SMARCA4: variants seen among roughly 807,000 people sequenced by gnomAD.
SMARCA4 encodes the protein SWI/SNF-related matrix-associated actin-dependent regulator of chromatin subfamily A member 4.
In SMARCA4, 31 loss-of-function variants were observed where a neutral mutation model predicts 193.9. The ratio of observed to expected loss-of-function variants is 0.16; its 90% CI spans 0.12 to 0.22. The LOEUF (loss-of-function observed/expected upper bound fraction) is 0.22, where lower values mean the gene tolerates loss of function less well. Among genes scored for constraint, SMARCA4 ranks in the 10% least tolerant of loss-of-function variants. SMARCA4 has a pLI of 1.00. For synonymous variants in SMARCA4, 942 were observed against 933.1 expected, an observed-to-expected ratio of 1.01 and a Z score of -0.17; for missense variants, 1,148 against 2,296.0, an observed-to-expected ratio of 0.50 and a Z score of 10.22.
intron 7 of SMARCA4, among the ~76,000 whole-genome samples, chr19:10,990,920 G>T (rs1299279793): frequency 6.6e-6 from 1 of 152,226 alleles, no homozygotes; most frequent in East Asian, 1.9e-4. Flanking sequence ...GAGGCAAGCT[G>T]GAGGTCCGAG....
intron 1 of SMARCA4, among the ~76,000 whole-genome samples, chr19:10,965,657 C>T (rs2084155157): frequency 6.6e-6 from 1 of 152,148 alleles, no homozygotes; most frequent in East Asian, 1.9e-4. Context: ...CACATGTAGG[C>T]TCTGTGGTAT....
At chr19:11,050,903 GT>G (rs1443328935) in intron 30 of SMARCA4, among the ~76,000 whole-genome samples, 1 of 152,210 alleles carries the variant, frequency 6.6e-6, no homozygotes, top group Non-Finnish European at 1.5e-5. Flanking sequence ...CAGGTCTATG[GT>G]CTGCTTGGCA....
At chr19:10,978,534 A>G (rs1277552891) in intron 1 of SMARCA4, among the ~76,000 whole-genome samples, 3 of 151,844 alleles carry the variant, frequency 2.0e-5, no homozygotes, top group Non-Finnish European at 4.4e-5. Context: ...GGGTTTTACC[A>G]TTTTGGTCAG....
chr19:11,009,183 A>G (rs1439057491), intron 14 of SMARCA4, among the ~76,000 whole-genome samples: 2 of 151,002 alleles, frequency 1.3e-5, no homozygotes, highest in East Asian at 2.0e-4. Context: ...CACCACGTCC[A>G]GCTAATTTTT....
intron 1 of SMARCA4, among the ~76,000 whole-genome samples, chr19:10,981,893 C>T (rs1250367673): frequency 2.6e-5 from 4 of 152,098 alleles, no homozygotes; most frequent in African/African-American, 9.7e-5. Flanking sequence ...GAGGCTGAGG[C>T]AGGAGGACGG....
Position 10,996,157 on chromosome 19 carries a change from G to A in SMARCA4, c.1594-56G>A, listed in dbSNP as rs2145965961. 3.8e-6 allele frequency: 6 copies of A among 1,586,060 alleles called. No individual in the cohort carries two copies. The South Asian group carries it at 5.5e-5, about 15-fold the overall frequency. ...GCTTCTGGATTGACTGGCCATGGGT[G>A]CTCACAGACATGCACATTGTGCCAC... On this transcript the variant is annotated intron_variant, in intron 9 of 34. Transcript: ENST00000344626.
rs1555755005 is a variant in SMARCA4, at chr19:10,987,761, C to T, written c.955C>T (p.Pro319Ser). ...CCCTTCCCCCGCGCCCCCTGCCGTC[C>T]CACCCGCCGCCTCGCCCGTGATGCC... is the stretch of plus-strand genomic sequence containing the variant. Reference protein sequence around the residue: ...GRPSPAPPAVPPAASPVMPPQ... With the variant: ...GRPSPAPPAVSPAASPVMPPQ... Residue 319 changes from proline to serine, a missense_variant, in exon 6 of 35, where the codon CCA becomes TCA. Pro to Ser is a moderately conservative substitution (Grantham distance 74). Transcript: ENST00000344626. This position sits in a 1 kb window ranked among gnomAD's most constrained non-coding sequence, Gnocchi z 5.3. The T allele has an allele frequency of 1.3e-6, 2 of 1,599,628 alleles. No homozygotes were observed. Among genetic ancestry groups the T allele is most frequent in the Non-Finnish European group, 1.7e-6 (2 of 1,173,600 alleles).
Position 10,986,540 on chromosome 19 carries a change from C to G in SMARCA4, c.707C>G (p.Pro236Arg). The change falls in exon 4 of 35, where the codon CCT becomes CGT. Residue 236 changes from proline (P) to arginine (R), a missense_variant. Pro to Arg is a moderately radical substitution (Grantham distance 103). Around this residue, in one of 17 missense-constraint regions of SMARCA4, gnomAD observed 257 missense variants for 276.5 expected, o/e 0.93. Coordinates refer to ENST00000344626, the MANE Select transcript of SMARCA4 (RefSeq NM_003072.5). This position sits in a 1 kb window ranked among gnomAD's most constrained non-coding sequence, Gnocchi z 6.7. Reference sequence around the variant, plus strand: ...ACAGGACCCGGCCCTGGCCCTGGCCCTGGCCCCGGCCCGGGTCCCGGCCCG... The same window carrying G: ...ACAGGACCCGGCCCTGGCCCTGGCCGTGGCCCCGGCCCGGGTCCCGGCCCG... ...SATGPGPGPG[P>R]GPGPGPGPAP... The G allele has an allele frequency of 1.9e-6, 3 of 1,541,008 alleles. No homozygotes were observed. The highest frequency in any genetic ancestry group is 2.7e-5 in the African/African-American group (2 of 73,154).
At position 11,058,126 on chromosome 19, in the gene SMARCA4, G is replaced by A. The variant is rs2076648834; in HGVS notation, c.4425-129G>A. ...CGTCTCAAAAAAAAAAAAAGCGCAT[G>A]TGCAAGAAATAGCTCCTGAGCTGAG... On this transcript the variant is annotated intron_variant, in intron 30 of 34. Transcript: ENST00000344626. This position sits in a 1 kb window ranked among gnomAD's most constrained non-coding sequence, Gnocchi z 5.8. The A allele has an allele frequency of 1.5e-6, 1 of 657,296 alleles. No homozygotes were observed. The highest frequency in any genetic ancestry group is 2.7e-6 in the Non-Finnish European group (1 of 368,190). 40.7% of individuals were successfully genotyped at this position (657,296 alleles called of 1,614,324 possible).
rs773341135 is a variant in SMARCA4, at chr19:10,994,962, G to A, written c.1554G>A (p.Glu518=). 2.5e-6 allele frequency: 4 copies of A among 1,614,034 alleles called. No individual in the cohort carries two copies. The highest frequency in any genetic ancestry group is 2.5e-6 in the Non-Finnish European group (3 of 1,179,956). Residue 518 remains glutamate (E), a synonymous_variant, in exon 9 of 35, where the codon GAG becomes GAA. Coordinates refer to ENST00000344626, the MANE Select transcript of SMARCA4 (RefSeq NM_003072.5). ...HANTEREQKK[E]NERIEKERMR... is the part of the protein sequence containing the mutation. ...ACACGGAGCGGGAGCAGAAGAAAGAGAACGAGCGGATCGAGAAGGAGCGCA... is the reference window on the plus strand; with the variant it reads ...ACACGGAGCGGGAGCAGAAGAAAGAAAACGAGCGGATCGAGAAGGAGCGCA...
intron 16 of SMARCA4, 139 bp from the exon 17 acceptor site, chr19:11,018,818 G>T (rs1430113448): frequency 3.8e-6 from 3 of 788,964 alleles, no homozygotes; most frequent in Non-Finnish European, 7.0e-6. Context: ...TCCCTCAGCT[G>T]CCCTAAACAC....
At chr19:11,060,401 C>G (rs2076798687) in intron 34 of SMARCA4, 3 of 641,232 alleles carry the variant, frequency 4.7e-6, no homozygotes, top group Non-Finnish European at 5.5e-6. Context: ...GGAACCAGCT[C>G]TCAGTACCCG....
Position 11,019,174 on chromosome 19 carries a change from A to T in SMARCA4, c.2505+151A>T. The T allele has an allele frequency of 2.8e-6, 2 of 721,316 alleles. No individual in the cohort carries two copies. The highest frequency in any genetic ancestry group is 2.9e-5 in the South Asian group (2 of 68,360). The allele number at this position is 721,316 out of a possible 1,614,324, so 44.7% of individuals were successfully genotyped here. On this transcript the variant is annotated intron_variant, in intron 17 of 34. Coordinates refer to ENST00000344626, the MANE Select transcript of SMARCA4 (RefSeq NM_003072.5). This position sits in a 1 kb window ranked among gnomAD's most constrained non-coding sequence, Gnocchi z 6.1. Reference sequence around the variant, plus strand: ...CAGGACAGCCTGGAACTCCAGTCACATGGATCCGGGAGTTTGGACTGGGCA... The same window carrying T: ...CAGGACAGCCTGGAACTCCAGTCACTTGGATCCGGGAGTTTGGACTGGGCA...
intron 30 of SMARCA4, among the ~76,000 whole-genome samples, chr19:11,046,948 C>CAAA (rs35450843): frequency 0.065 from 5,982 of 91,612 alleles, 184 homozygotes; most frequent in South Asian, 0.12. Flanking sequence ...GACCCTGTTG[C>CAAA]AAAAAAAAAA....
rs2145825449 is a variant in SMARCA4 at position 10,987,977 on chromosome 19, C to A, written c.1118+53C>A. On this transcript the variant is annotated intron_variant, in intron 6 of 34. Coordinates refer to ENST00000344626, the MANE Select transcript of SMARCA4 (RefSeq NM_003072.5). This position sits in a 1 kb window ranked among gnomAD's most constrained non-coding sequence, Gnocchi z 5.3. ...CACTGCCCTGTGTCCCCCATGTCCC[C>A]CTGGGGAAGCCACTCAACTTTCTCC... The A allele has an allele frequency of 6.3e-7, 1 of 1,589,472 alleles. No homozygotes were observed. The highest frequency in any genetic ancestry group is 8.6e-7 in the Non-Finnish European group (1 of 1,163,928).
At chr19:11,002,047 G>A (rs568977484) in intron 11 of SMARCA4, among the ~76,000 whole-genome samples, 1 of 152,252 alleles carries the variant, frequency 6.6e-6, no homozygotes, top group African/African-American at 2.4e-5. Flanking sequence ...AACCGTTAGT[G>A]TAAAAAAGAG....
chr19:10,995,879 A>T (rs2086989589), intron 9 of SMARCA4: 2 of 410,590 alleles, frequency 4.9e-6, no homozygotes, highest in South Asian at 4.1e-5. Flanking sequence ...CTGCTGTAGG[A>T]GGTGGTGGGA....
chr19:11,031,259 T>G lies in SMARCA4; in HGVS notation c.3546+366T>G. On this transcript the variant is annotated intron_variant, in intron 25 of 34. Coordinates refer to ENST00000344626, the MANE Select transcript of SMARCA4 (RefSeq NM_003072.5). The surrounding 1 kb of genome is among the most constrained non-coding windows in gnomAD (Gnocchi z 4.3). ...GCCCTGTGAGCACACACACTGGCGC[T>G]TGTTCAGACACAATTGGGGGTAAAC... The G allele has an allele frequency of 2.9e-6, 1 of 344,310 alleles. No homozygotes were observed. The highest frequency in any genetic ancestry group is 5.6e-6 in the Non-Finnish European group (1 of 177,738). The allele number at this position is 344,310 out of a possible 1,614,324, so 21.3% of individuals were successfully genotyped here.
chr19:11,039,758 G>C (rs775253008), intron 29 of SMARCA4: 1 of 377,404 alleles, frequency 2.6e-6, no homozygotes, highest in Non-Finnish European at 4.7e-6. Context: ...AGTCCAACCA[G>C]GGCAATGTAG....
Sources: allele counts gnomAD v4.1 joint callset (sites outside exome capture counted in the v4.1 genomes callset), GRCh38; gene constraint gnomAD v4.1.1; regional missense constraint gnomAD v4.1.1; non-coding constraint Gnocchi (gnomAD v3.1); transcripts MANE v1.5; gene names NCBI Gene and HGNC (gene_info 2026-07-23, HGNC 2026-07-21).